Variants in NSMCE1 observed in about 807,000 individuals in gnomAD.
The protein encoded by NSMCE1 is non-structural maintenance of chromosomes element 1 homolog.
A neutral mutation model predicts 29.6 loss-of-function variants in NSMCE1; 18 were observed. The observed-to-expected ratio is 0.61, with a 90% CI of 0.42 to 0.90. The LOEUF is 0.90. Among genes scored for constraint, NSMCE1 ranks in the 40% least tolerant of loss-of-function variants. NSMCE1 has a pLI of 0.00. For synonymous variants in NSMCE1, 124 were observed against 133.4 expected (o/e 0.93, Z 0.49); for missense variants, 314 against 343.6 (o/e 0.91, Z 0.68).
At chr16:27,252,648 G>T (rs1445222106) in intron 2 of NSMCE1, among the ~76,000 whole-genome samples, 1 of 152,198 alleles carries the variant, frequency 6.6e-6, no homozygotes, top group Admixed American at 6.5e-5. Context: ...GCCGGGCGCG[G>T]TGGCTCATGC....
rs558626898 is a variant in NSMCE1, at chr16:27,231,372, C to T, written c.483+1629G>A. Among the ~76,000 whole-genome samples, 21 of 152,340 alleles carry T rather than the reference C, an allele frequency of 1.4e-4. No homozygotes were observed. In the South Asian group the frequency reaches 4.4e-3, roughly 32 times the overall value. On this transcript the variant is annotated intron_variant, in intron 5 of 7. Coordinates refer to ENST00000361439, the MANE Select transcript of NSMCE1 (RefSeq NM_145080.4). Reference sequence around the variant, plus strand: ...TGGCCTGTGGCCGGGCACGCTGGCTCACGCCTGTCATCCCAGCACTTTGGG... The same window carrying T: ...TGGCCTGTGGCCGGGCACGCTGGCTTACGCCTGTCATCCCAGCACTTTGGG...
At chr16:27,235,802 C>T (rs1325442356) in intron 2 of NSMCE1, among the ~76,000 whole-genome samples, 1 of 152,212 alleles carries the variant, frequency 6.6e-6, no homozygotes, top group Non-Finnish European at 1.5e-5. Flanking sequence ...GTTATCCTCA[C>T]TTACATGCCA....
At chr16:27,264,988 A>G (rs1240961734) in intron 1 of NSMCE1, among the ~76,000 whole-genome samples, 1 of 152,154 alleles carries the variant, frequency 6.6e-6, no homozygotes, top group Non-Finnish European at 1.5e-5. Context: ...AAGAGGATGC[A>G]TAAATGATGA....
chr16:27,233,920 A>G, intron 4 of NSMCE1: 1 of 415,486 alleles, frequency 2.4e-6, no homozygotes, highest in Non-Finnish European at 4.3e-6. Context: ...GCCTGTTACT[A>G]CCAGTGAAGC....
At chr16:27,263,317 G>C (rs1213560516) in intron 1 of NSMCE1, among the ~76,000 whole-genome samples, 1 of 152,170 alleles carries the variant, frequency 6.6e-6, no homozygotes, top group East Asian at 1.9e-4. Context: ...TGACAGACTG[G>C]ATAAAGAAAA....
intron 1 of NSMCE1, chr16:27,266,607 ACT>A (rs1174292486): frequency 6.7e-6 from 1 of 149,528 alleles, no homozygotes; most frequent in Non-Finnish European, 1.5e-5. Context: ...ACAGGGCGAG[ACT>A]CTGTCACAAA....
chr16:27,225,643 C>A, intron 7 of NSMCE1, 83 bp downstream of exon 7: 1 of 1,553,526 alleles, frequency 6.4e-7, no homozygotes, highest in Non-Finnish European at 8.8e-7. Flanking sequence ...CCTTCAGGGC[C>A]CTGTCTCCAA....
intron 2 of NSMCE1, among the ~76,000 whole-genome samples, chr16:27,243,007 T>A (rs12924419): frequency 6.6e-6 from 1 of 152,032 alleles, no homozygotes; most frequent in Non-Finnish European, 1.5e-5. Context: ...TGGACAAATC[T>A]GATGCCTACA....
chr16:27,243,502 C>T (rs2083916373), intron 2 of NSMCE1, among the ~76,000 whole-genome samples: 2 of 152,198 alleles, frequency 1.3e-5, no homozygotes, highest in African/African-American at 2.4e-5. Flanking sequence ...TCTACATCAA[C>T]CTGCCCAGAA....
intron 2 of NSMCE1, among the ~76,000 whole-genome samples, chr16:27,248,039 G>C (rs1374547515): frequency 6.6e-6 from 1 of 152,132 alleles, no homozygotes; most frequent in Non-Finnish European, 1.5e-5. Context: ...CATGTAGGAA[G>C]AGCTCACTTA....
chr16:27,232,591 G>A lies in NSMCE1; in HGVS notation c.483+410C>T, dbSNP rs145681676. On this transcript the variant is annotated intron_variant, in intron 5 of 7. Transcript: ENST00000361439. This position sits in a 1 kb window ranked among gnomAD's most constrained non-coding sequence, Gnocchi z 4.5. ...TCCCGCTCCTGACACACCCAGCCCCGAAGGGGAAACAACGACTCCCCTCTT... is the reference window on the plus strand; with the variant it reads ...TCCCGCTCCTGACACACCCAGCCCCAAAGGGGAAACAACGACTCCCCTCTT... 9.6e-4 allele frequency among the ~76,000 whole-genome samples: 146 copies of A among 152,342 alleles called. No homozygotes were observed. Among genetic ancestry groups the A allele is most frequent in the South Asian group, 6.8e-3 (33 of 4,828 alleles).
intron 2 of NSMCE1, among the ~76,000 whole-genome samples, chr16:27,244,034 G>A (rs1217977690): frequency 6.6e-6 from 1 of 152,180 alleles, no homozygotes; most frequent in Non-Finnish European, 1.5e-5. Flanking sequence ...CACATAGGAC[G>A]CCCCACTTCT....
Position 27,235,299 on chromosome 16 carries a change from C to G in NSMCE1, c.137G>C (p.Arg46Pro). 1 of 1,612,972 alleles carries G rather than the reference C, an allele frequency of 6.2e-7. No individual in the cohort carries two copies. The highest frequency in any genetic ancestry group is 8.5e-7 in the Non-Finnish European group (1 of 1,179,834). Reference sequence around the variant, plus strand: ...CTCCAACTTATCTACGGTGGCATTGCCTGGAAATAAACAGACCAAAAAAAG... The same window carrying G: ...CTCCAACTTATCTACGGTGGCATTGGCTGGAAATAAACAGACCAAAAAAAG... ...LQTHCYKVHD[R>P]NATVDKLEDF... The change falls in exon 3 of 8, where the codon CGC becomes CCC. Residue 46 changes from arginine to proline, a missense_variant and splice_region_variant. Transcript: ENST00000361439.
At position 27,233,102 on chromosome 16, in the gene NSMCE1, TTG is replaced by T; in HGVS notation, c.380_381del (p.Thr127LysfsTer7). ...AGTTGATCAACCAGGTTCAATATGT[TTG>T]TGGAAGACGCAAAGCCGGTTTCTGA... The part of the protein sequence containing the change: ...IDSETGFASS[T>X]NILNLVDQLK... On this transcript the variant is annotated frameshift_variant, in exon 5 of 8. Transcript: ENST00000361439. LOFTEE classifies it high-confidence loss of function. 6.2e-7 allele frequency: 1 copy of T among 1,614,092 alleles called. No individual in the cohort carries two copies. The highest frequency in any genetic ancestry group is 8.5e-7 in the Non-Finnish European group (1 of 1,180,000).
At chr16:27,243,293 G>A (rs1000957278) in intron 2 of NSMCE1, among the ~76,000 whole-genome samples, 2 of 152,228 alleles carry the variant, frequency 1.3e-5, no homozygotes, top group Non-Finnish European at 2.9e-5. Flanking sequence ...GCTGTCATGA[G>A]ACACAGTGAT....
chr16:27,240,363 G>T (rs919519372), intron 2 of NSMCE1, among the ~76,000 whole-genome samples: 1 of 152,182 alleles, frequency 6.6e-6, no homozygotes, highest in Non-Finnish European at 1.5e-5. Context: ...CATTGGATCA[G>T]CCCGGCCTGG....
At chr16:27,226,213 C>A (rs543260959) in intron 6 of NSMCE1, 9 of 211,448 alleles carry the variant, frequency 4.3e-5, no homozygotes, top group Middle Eastern at 1.9e-3. Context: ...CCAGAAACTC[C>A]GCCCAAGGAA....
chr16:27,262,750 A>G (rs964310277), intron 1 of NSMCE1, among the ~76,000 whole-genome samples: 1 of 152,234 alleles, frequency 6.6e-6, no homozygotes, highest in Admixed American at 6.5e-5. Flanking sequence ...AATGAGATCT[A>G]ATTAAACTTA....
At position 27,256,747 on chromosome 16, in the gene NSMCE1, G is replaced by A. The variant is rs527879932; in HGVS notation, c.136+688C>T. On this transcript the variant is annotated intron_variant, in intron 2 of 7. Coordinates refer to ENST00000361439, the MANE Select transcript of NSMCE1 (RefSeq NM_145080.4). Reference sequence around the variant, plus strand: ...GGGCTTCTTATTTGCCCCTCCCAGTGGCCCCGTAAGATGCCCCAAATGCCT... The same window carrying A: ...GGGCTTCTTATTTGCCCCTCCCAGTAGCCCCGTAAGATGCCCCAAATGCCT... Among the ~76,000 whole-genome samples, 3 of 152,168 alleles carry A rather than the reference G, an allele frequency of 2.0e-5. No homozygotes were observed. In the South Asian group the frequency reaches 6.2e-4, roughly 32 times the overall value.
Sources: gnomAD v4.1 joint callset for allele counts (sites outside exome capture counted in the v4.1 genomes callset) on GRCh38, gnomAD v4.1.1 for gene constraint, Gnocchi (gnomAD v3.1) non-coding constraint, MANE v1.5 for transcripts, NCBI Gene and HGNC (gene_info 2026-07-23, HGNC 2026-07-21) for gene names.